The following OTOG variants were observed in gnomAD, a reference collection of about 807,000 sequenced individuals.
The protein encoded by OTOG is otogelin.
OTOG carries 296 observed loss-of-function variants against 313.8 expected under a neutral mutation model. The observed-to-expected ratio is 0.94, with a 90% CI of 0.86 to 1.04. The LOEUF is 1.04. Among genes scored for constraint, OTOG ranks in the 50% least tolerant of loss-of-function variants. The pLI is 0.00. For missense variants in OTOG, 3,948 were observed against 3,840.1 expected (o/e 1.03, Z -0.74); for synonymous variants, 1,533 against 1,554.9 (o/e 0.99, Z 0.33).
intron 30 of OTOG, among the ~76,000 whole-genome samples, chr11:17,597,216 T>G (rs1051848291): frequency 3.3e-5 from 5 of 152,174 alleles, no homozygotes; most frequent in Non-Finnish European, 5.9e-5. Context: ...AGAAACAGCC[T>G]AGAGAGAGAG....
At chr11:17,597,110 A>T in intron 30 of OTOG, 103 bp downstream of exon 30, 1 of 1,401,984 alleles carries the variant, frequency 7.1e-7, no homozygotes, top group Non-Finnish European at 9.5e-7. Flanking sequence ...GAGTACTTAG[A>T]ATGTACCAAG....
chr11:17,602,371 G>A lies in OTOG; in HGVS notation c.3871G>A (p.Ala1291Thr), dbSNP rs1853276931. Residue 1291 changes from alanine to threonine, a missense_variant, in exon 32 of 56, where the codon GCC (alanine) becomes ACC (threonine). Ala to Thr is a moderately conservative substitution (Grantham distance 58, BLOSUM62 0). Coordinates refer to ENST00000399397, the MANE Select transcript of OTOG (RefSeq NM_001292063.2). ...GACAGCTGCTCTGTACAAGGCCAAG[G>A]CCCATGGTAAGGCCCATCCCAGTCC... is the stretch of plus-strand genomic sequence containing the variant. The part of the protein sequence containing the change: ...LLTAALYKAK[A>T]HDPDVVSLEA... 6.5e-7 allele frequency: 1 copy of A among 1,549,980 alleles called. No homozygotes were observed. Among genetic ancestry groups the A allele is most frequent in the Non-Finnish European group, 8.7e-7 (1 of 1,146,648 alleles).
intron 23 of OTOG, among the ~76,000 whole-genome samples, chr11:17,580,981 AAG>A (rs1852652123): frequency 6.6e-6 from 1 of 152,208 alleles, no homozygotes; most frequent in African/African-American, 2.4e-5. Flanking sequence ...CCCAGGGACA[AAG>A]AGAGAAGAGT....
At chr11:17,559,391 G>A (rs918986124) in intron 11 of OTOG, 143 bp from the exon 12 acceptor site, 4 of 1,165,870 alleles carry the variant, frequency 3.4e-6, no homozygotes, top group South Asian at 1.6e-5. Flanking sequence ...AATTTCCTGG[G>A]CACCCAATGC....
chr11:17,552,612 T>TACTGTGTCC (rs1851966768), intron 4 of OTOG, among the ~76,000 whole-genome samples: 1 of 151,570 alleles, frequency 6.6e-6, no homozygotes, highest in African/African-American at 2.4e-5. Context: ...CCCCCACCTG[T>TACTGTGTCC]CCTCTCACAT....
At chr11:17,599,311 C>A (rs924701791) in intron 30 of OTOG, among the ~76,000 whole-genome samples, 2 of 152,156 alleles carry the variant, frequency 1.3e-5, no homozygotes, top group Non-Finnish European at 2.9e-5. Context: ...GGGGGCCTTC[C>A]GCAACATTTC....
rs561534995 is a variant in OTOG at position 17,606,111 on chromosome 11, C to T, written c.4132C>T (p.Arg1378Trp). 4.5e-5 allele frequency: 70 copies of T among 1,543,286 alleles called. No homozygotes were observed. Among genetic ancestry groups the T allele is most frequent in the East Asian group, 2.2e-4 (9 of 40,716 alleles). The change falls in exon 33 of 56, where the codon CGG becomes TGG. Residue 1378 changes from arginine (R) to tryptophan (W), a missense_variant. By Grantham distance (101) the Arg-to-Trp change is moderately radical. Coordinates refer to ENST00000399397, the MANE Select transcript of OTOG (RefSeq NM_001292063.2). ...GTACGAACACACAGAGGTGTTCCGCCGGGGCACACTCTTCCGCCTTCTGGG... is the reference window on the plus strand; with the variant it reads ...GTACGAACACACAGAGGTGTTCCGCTGGGGCACACTCTTCCGCCTTCTGGG... ...RLYEHTEVFR[R>W]GTLFRLLDAK... is the part of the protein sequence containing the mutation.
At chr11:17,622,321 T>A (rs764160102) in intron 39 of OTOG, among the ~76,000 whole-genome samples, 3 of 152,162 alleles carry the variant, frequency 2.0e-5, no homozygotes, top group Non-Finnish European at 4.4e-5. Context: ...AATAATCACA[T>A]CACGTAAAAT....
chr11:17,601,764 G>A (rs1330524726), intron 31 of OTOG, among the ~76,000 whole-genome samples: 1 of 152,308 alleles, frequency 6.6e-6, no homozygotes, highest in South Asian at 2.1e-4. Flanking sequence ...ACAGTGACAC[G>A]TGTTTGAAAT....
At chr11:17,554,384 G>A (rs574580327) in intron 6 of OTOG, among the ~76,000 whole-genome samples, 2 of 152,332 alleles carry the variant, frequency 1.3e-5, no homozygotes, top group East Asian at 3.9e-4. Context: ...CTCAGTAAAG[G>A]TTTGTGAAAT....
In OTOG at chr11:17,570,342, C is replaced by T. The variant is rs1437744623; in HGVS notation, c.1907C>T (p.Thr636Ile). The change falls in exon 17 of 56, where the codon ACC becomes ATC. Residue 636 changes from threonine (T) to isoleucine (I), a missense_variant. By Grantham distance (89) the Thr-to-Ile change is moderately conservative. Coordinates refer to ENST00000399397, the MANE Select transcript of OTOG (RefSeq NM_001292063.2). ...LQVDQRWVED[T>I]VGLCGTFNGN... Reference sequence around the variant, plus strand: ...GTGGACCAGCGATGGGTGGAGGATACCGTGGGCCTCTGCGGCACCTTCAAT... The same window carrying T: ...GTGGACCAGCGATGGGTGGAGGATATCGTGGGCCTCTGCGGCACCTTCAAT... 2 of 1,550,510 alleles carry T rather than the reference C, an allele frequency of 1.3e-6. No homozygotes were observed. The highest frequency in any genetic ancestry group is 1.7e-6 in the Non-Finnish European group (2 of 1,147,006).
At chr11:17,590,639 A>C (rs1447573325) in intron 24 of OTOG, among the ~76,000 whole-genome samples, 4 of 151,128 alleles carry the variant, frequency 2.6e-5, no homozygotes, top group African/African-American at 4.9e-5. Context: ...AATGCCCACC[A>C]CCCCCCATTC....
rs1565093561 is a variant in OTOG at position 17,562,049 on chromosome 11, ATAT to A, written c.1644+243_1644+245del. Among the ~76,000 whole-genome samples the A allele has an allele frequency of 0.043, 5,021 of 117,228 alleles. 100 individuals are homozygous for A. The highest frequency in any genetic ancestry group is 0.059 in the Non-Finnish European group (3,440 of 58,508). 76.9% of individuals were successfully genotyped at this position (117,228 alleles called of 152,430 possible). A position where few individuals can be genotyped will look rare whatever the true frequency, so the allele number is the denominator to read the frequency against. ...GGATTTTACTACCTAAAAAAAAAATATATATATATATATATATATATATGTATG... is the reference window on the plus strand; with the variant it reads ...GGATTTTACTACCTAAAAAAAAAATAATATATATATATATATATATGTATG... On this transcript the variant is annotated intron_variant, in intron 15 of 55. Transcript: ENST00000399397.
chr11:17,555,145 A>C (rs887717345), intron 6 of OTOG, among the ~76,000 whole-genome samples: 6 of 151,096 alleles, frequency 4.0e-5, no homozygotes, highest in Admixed American at 3.3e-4. Context: ...CCTCTACCCC[A>C]CCCCGTCCTT....
chr11:17,553,046 C>A, intron 4 of OTOG, 73 bp from the exon 5 acceptor site: 2 of 1,411,290 alleles, frequency 1.4e-6, no homozygotes, highest in Non-Finnish European at 1.9e-6. Context: ...TCCTGTGAAG[C>A]CTGAGAGGGC....
chr11:17,625,366 C>T (rs558461483), intron 39 of OTOG, among the ~76,000 whole-genome samples: 39 of 152,154 alleles, frequency 2.6e-4, no homozygotes, highest in Admixed American at 3.9e-4. Flanking sequence ...AAATATGAAG[C>T]GGTGTTGAGT....
intron 13 of OTOG, 94 bp downstream of exon 13, chr11:17,560,911 G>A (rs1251654958): frequency 2.7e-5 from 33 of 1,244,384 alleles, no homozygotes; most frequent in Non-Finnish European, 3.7e-5. Context: ...GGCTGGCGTC[G>A]GGGCACTCAC....
At chr11:17,554,755 A>G (rs1852018010) in intron 6 of OTOG, among the ~76,000 whole-genome samples, 1 of 152,238 alleles carries the variant, frequency 6.6e-6, no homozygotes, top group Admixed American at 6.5e-5. Flanking sequence ...TTCATGACCT[A>G]TCATTTCATG....
At chr11:17,595,498 G>A (rs1425087602) in intron 28 of OTOG, among the ~76,000 whole-genome samples, 2 of 152,180 alleles carry the variant, frequency 1.3e-5, no homozygotes, top group Non-Finnish European at 2.9e-5. Context: ...GGCCTGACTT[G>A]GTTCCCTGCT....
Sources: allele counts gnomAD v4.1 joint callset (sites outside exome capture counted in the v4.1 genomes callset), GRCh38; gene constraint gnomAD v4.1.1; transcripts MANE v1.5; gene names NCBI Gene and HGNC (gene_info 2026-07-23, HGNC 2026-07-21).